Variants in CNIH3 observed in about 807,000 individuals in gnomAD.
The protein encoded by CNIH3 is protein cornichon homolog 3.
A neutral mutation model predicts 24.1 loss-of-function variants in CNIH3; 14 were observed. The observed-to-expected ratio is 0.58, with a 90% confidence interval of 0.38 to 0.91. The LOEUF (loss-of-function observed/expected upper bound fraction) is 0.91. CNIH3 is among the 40% of genes least tolerant of loss of function. The pLI, the probability that CNIH3 is intolerant of heterozygous loss-of-function variation, is 0.00. For missense variants in CNIH3, 178 were observed against 196.8 expected, an observed-to-expected ratio of 0.90 and a Z score of 0.57; for synonymous variants, 68 against 73.8, an observed-to-expected ratio of 0.92 and a Z score of 0.40.
intron 5 of CNIH3, among the ~76,000 whole-genome samples, chr1:224,736,907 G>T (rs1039826764): frequency 5.3e-5 from 8 of 152,204 alleles, no homozygotes; most frequent in African/African-American, 1.7e-4. Context: ...TGGAGGTTAG[G>T]TTTTTTCCCT....
chr1:224,486,209 G>A (rs549481569), intron 1 of CNIH3, among the ~76,000 whole-genome samples: 4 of 152,082 alleles, frequency 2.6e-5, no homozygotes, highest in Admixed American at 6.5e-5. Context: ...CTGCTCAAAC[G>A]ATCCTCCCAC....
At chr1:224,583,204 A>T (rs1219504848) in exon 5 of CNIH3, 1 of 152,318 alleles carries the variant, frequency 6.6e-6, no homozygotes, top group East Asian at 1.9e-4. Context: ...GATGGAGAGA[A>T]CATCTGTGGC....
At chr1:224,608,328 C>A (rs1682520784) in intron 3 of CNIH3, among the ~76,000 whole-genome samples, 1 of 152,142 alleles carries the variant, frequency 6.6e-6, no homozygotes, top group Non-Finnish European at 1.5e-5. Flanking sequence ...ACCTCTCAGA[C>A]ACCAAGTTAA....
intron 1 of CNIH3, among the ~76,000 whole-genome samples, chr1:224,483,311 C>G (rs1490822822): frequency 6.6e-6 from 1 of 151,896 alleles, no homozygotes; most frequent in Non-Finnish European, 1.5e-5. Flanking sequence ...GATTGCAGCA[C>G]TGCACTCCAG....
At chr1:224,452,529 C>A (rs2102966888) in intron 1 of CNIH3, among the ~76,000 whole-genome samples, 1 of 151,970 alleles carries the variant, frequency 6.6e-6, no homozygotes, top group East Asian at 2.0e-4. Flanking sequence ...CACCTGTAAT[C>A]CCAGCACTTT....
intron 1 of CNIH3, among the ~76,000 whole-genome samples, chr1:224,461,214 G>A (rs558334090): frequency 6.6e-6 from 1 of 152,040 alleles, no homozygotes; most frequent in Non-Finnish European, 1.5e-5. Context: ...TGTTGGCCAA[G>A]CTGGTTTCGA....
rs1198819473 is a variant in CNIH3, at chr1:224,574,860, A to G, written n.517-8304A>G. 6.2e-6 allele frequency: 6 copies of G among 972,754 alleles called. No individual in the cohort carries two copies. The East Asian group carries it at 1.4e-4, about 23-fold the overall frequency. The allele number at this position is 972,754 out of a possible 1,614,324, so 60.3% of individuals were successfully genotyped here. A position where few individuals can be genotyped will look rare whatever the true frequency, so the allele number is the denominator to read the frequency against. On this transcript the variant is annotated intron_variant and non_coding_transcript_variant, in intron 4 of 5. Coordinates refer to the CNIH3 transcript ENST00000471578. Reference sequence around the variant, plus strand: ...TCCCAGTAACAGTAACATTCTGGACACATGGGCGGGCATGGAAGAGCTGGT... The same window carrying G: ...TCCCAGTAACAGTAACATTCTGGACGCATGGGCGGGCATGGAAGAGCTGGT...
intron 1 of CNIH3, among the ~76,000 whole-genome samples, chr1:224,673,042 C>G (rs1383764933): frequency 6.6e-6 from 1 of 152,202 alleles, no homozygotes; most frequent in Admixed American, 6.5e-5. Context: ...AATATTGCCC[C>G]TGAACATTGA....
At chr1:224,682,339 G>A (rs1686442370) in intron 2 of CNIH3, among the ~76,000 whole-genome samples, 3 of 152,180 alleles carry the variant, frequency 2.0e-5, no homozygotes. Context: ...GAGTGCTGCA[G>A]CTAGGACTTG....
chr1:224,653,788 A>G (rs552351413), intron 1 of CNIH3, among the ~76,000 whole-genome samples: 1 of 152,272 alleles, frequency 6.6e-6, no homozygotes, highest in Non-Finnish European at 1.5e-5. Flanking sequence ...TCTTCCTTTA[A>G]AGAGTTTGAG....
chr1:224,498,944 C>T (rs369670349), intron 1 of CNIH3, among the ~76,000 whole-genome samples: 14 of 152,200 alleles, frequency 9.2e-5, no homozygotes, highest in African/African-American at 3.4e-4. Flanking sequence ...TCTGGAGCCT[C>T]TTCCTGTCCG....
intron 1 of CNIH3, among the ~76,000 whole-genome samples, chr1:224,464,031 C>A (rs948769227): frequency 2.6e-5 from 4 of 151,486 alleles, no homozygotes; most frequent in Admixed American, 2.0e-4. Context: ...TCTTGTGATC[C>A]GCCCACCTCA....
chr1:224,652,786 G>A (rs1189050516), intron 1 of CNIH3, among the ~76,000 whole-genome samples: 3 of 152,220 alleles, frequency 2.0e-5, no homozygotes, highest in Non-Finnish European at 4.4e-5. Context: ...CAGGTTGCAC[G>A]AATTGGTGGG....
rs1324197361 is a variant in CNIH3, at chr1:224,673,402, C to T, written c.82-7556C>T. Reference sequence around the variant, plus strand: ...TCCCCTCCCCCTGCTGTCTGTCTCACTCTCTGGCTTCCCCTGTGCAGGCCT... The same window carrying T: ...TCCCCTCCCCCTGCTGTCTGTCTCATTCTCTGGCTTCCCCTGTGCAGGCCT... On this transcript the variant is annotated intron_variant, in intron 1 of 5. Coordinates refer to ENST00000272133, the MANE Select transcript of CNIH3 (RefSeq NM_152495.2). Among the ~76,000 whole-genome samples the T allele has an allele frequency of 2.6e-5, 4 of 152,210 alleles. No individual in the cohort carries two copies. The East Asian group carries it at 7.7e-4, about 29-fold the overall frequency.
chr1:224,724,320 T>C (rs1688902233), intron 3 of CNIH3, among the ~76,000 whole-genome samples: 1 of 152,206 alleles, frequency 6.6e-6, no homozygotes, highest in South Asian at 2.1e-4. Flanking sequence ...GCAAGGCCTA[T>C]GGGGCTGGGC....
intron 3 of CNIH3, among the ~76,000 whole-genome samples, chr1:224,599,764 T>C (rs1472993065): frequency 6.6e-6 from 1 of 152,200 alleles, no homozygotes. Context: ...GAAACATTTC[T>C]TGTAAAGACA....
chr1:224,689,774 C>G (rs1178613048), intron 3 of CNIH3, among the ~76,000 whole-genome samples: 1 of 152,202 alleles, frequency 6.6e-6, no homozygotes, highest in African/African-American at 2.4e-5. Flanking sequence ...GTTTTTAGCT[C>G]TATAATTATC....
intron 1 of CNIH3, among the ~76,000 whole-genome samples, chr1:224,636,923 A>G (rs1198180976): frequency 3.3e-5 from 5 of 150,260 alleles, no homozygotes; most frequent in East Asian, 2.0e-4. Context: ...TTATCTGTCT[A>G]TCATCTATCT....
At chr1:224,448,961 CTTTTTTT>C (rs397983008) in intron 1 of CNIH3, among the ~76,000 whole-genome samples, 5 of 115,246 alleles carry the variant, frequency 4.3e-5, no homozygotes, top group Middle Eastern at 4.4e-3. Context: ...AGCTGGGATT[CTTTTTTT>C]TTTTTTTTTT....
Sources: allele counts gnomAD v4.1 joint callset (sites outside exome capture counted in the v4.1 genomes callset), GRCh38; gene constraint gnomAD v4.1.1; transcripts MANE v1.5; gene names NCBI Gene and HGNC (gene_info 2026-07-23, HGNC 2026-07-21).